The following MALRD1 variants were observed in gnomAD, a reference collection of about 807,000 sequenced individuals.
MALRD1 encodes the protein MAM and LDL receptor class A domain containing 1.
In MALRD1, 247 loss-of-function variants were observed where a neutral mutation model predicts 242.1. The observed-to-expected ratio is 1.02, with a 90% CI of 0.92 to 1.13. The LOEUF is 1.13. Among genes scored for constraint, MALRD1 ranks in the 50% most tolerant of loss-of-function variants. The pLI is 0.00. For missense variants in MALRD1, 2,989 were observed against 2,533.1 expected (o/e 1.18, Z -3.86); for synonymous variants, 995 against 866.6 (o/e 1.15, Z -2.60).
intron 35 of MALRD1, among the ~76,000 whole-genome samples, chr10:19,612,412 G>A (rs1202546474): frequency 1.3e-5 from 2 of 151,642 alleles, no homozygotes; most frequent in East Asian, 2.0e-4. Context: ...ATACATCCCC[G>A]GGAAAACAAA....
intron 18 of MALRD1, among the ~76,000 whole-genome samples, chr10:19,256,482 T>G (rs1169229913): frequency 6.6e-6 from 1 of 152,060 alleles, no homozygotes; most frequent in African/African-American, 2.4e-5. Flanking sequence ...AAGGATGCAT[T>G]TTTATGTTTG....
chr10:19,301,364 A>T (rs1841943867), intron 21 of MALRD1, among the ~76,000 whole-genome samples: 1 of 151,814 alleles, frequency 6.6e-6, no homozygotes, highest in African/African-American at 2.4e-5. Flanking sequence ...TATTGAGTAT[A>T]TATCCAAAGC....
chr10:19,683,423 G>A (rs1028789327), intron 36 of MALRD1, among the ~76,000 whole-genome samples: 5 of 152,186 alleles, frequency 3.3e-5, no homozygotes, highest in East Asian at 1.9e-4. Context: ...CATGTGCATC[G>A]TAATATTTAA....
Position 19,595,575 on chromosome 10 carries a change from A to C in MALRD1, c.5944+118A>C, listed in dbSNP as rs541800492. 4.1e-5 allele frequency: 49 copies of C among 1,186,392 alleles called. No homozygotes were observed. The African/African-American group carries it at 7.1e-4, about 17-fold the overall frequency. 73.5% of individuals were successfully genotyped at this position (1,186,392 alleles called of 1,614,324 possible). On this transcript the variant is annotated intron_variant, in intron 34 of 39. Coordinates refer to ENST00000454679, the MANE Select transcript of MALRD1 (RefSeq NM_001142308.3). ...GCCTTACCGTGATTGTATCATTAAT[A>C]ACACAGCTTTCAGTGTTATGTTGCA...
chr10:19,572,889 G>A, intron 33 of MALRD1, among the ~76,000 whole-genome samples: 1 of 152,154 alleles, frequency 6.6e-6, no homozygotes, highest in East Asian at 1.9e-4. Flanking sequence ...AGAGTCTTCA[G>A]AGAGAGCAGG....
intron 13 of MALRD1, among the ~76,000 whole-genome samples, chr10:19,168,371 T>C (rs894594615): frequency 4.6e-5 from 7 of 152,156 alleles, no homozygotes; most frequent in African/African-American, 1.2e-4. Flanking sequence ...TTTCATTCGG[T>C]TTGCTTTTAG....
chr10:19,103,557 A>AAAAAT (rs1471628626), intron 4 of MALRD1, among the ~76,000 whole-genome samples: 1 of 146,314 alleles, frequency 6.8e-6, no homozygotes, highest in East Asian at 2.1e-4. Flanking sequence ...GTCTCAAAAA[A>AAAAAT]AAAAAAAATA....
At chr10:19,632,909 G>T (rs1234856816) in intron 36 of MALRD1, among the ~76,000 whole-genome samples, 2 of 152,152 alleles carry the variant, frequency 1.3e-5, no homozygotes, top group Non-Finnish European at 2.9e-5. Context: ...TTGAGGCTAT[G>T]AAAAGTGTTG....
chr10:19,688,264 C>T (rs1842678199), intron 36 of MALRD1, among the ~76,000 whole-genome samples: 1 of 152,108 alleles, frequency 6.6e-6, no homozygotes, highest in Non-Finnish European at 1.5e-5. Flanking sequence ...AGCCACTGTG[C>T]CCGGCCTATT....
intron 34 of MALRD1, among the ~76,000 whole-genome samples, chr10:19,603,551 A>AT (rs1838465714): frequency 6.6e-6 from 1 of 152,070 alleles, no homozygotes; most frequent in Non-Finnish European, 1.5e-5. Context: ...CCATTGGTCT[A>AT]TATCTCTGTT....
intron 36 of MALRD1, among the ~76,000 whole-genome samples, chr10:19,679,816 G>A (rs1304384178): frequency 6.6e-6 from 1 of 152,064 alleles, no homozygotes; most frequent in African/African-American, 2.4e-5. Flanking sequence ...TCTTAACACT[G>A]CTTTAGCTGT....
At chr10:19,231,183 G>A (rs1239652413) in intron 18 of MALRD1, among the ~76,000 whole-genome samples, 1 of 152,160 alleles carries the variant, frequency 6.6e-6, no homozygotes, top group African/African-American at 2.4e-5. Flanking sequence ...CCATACTCCT[G>A]CCTCAATTTA....
intron 21 of MALRD1, among the ~76,000 whole-genome samples, chr10:19,297,752 T>C (rs376320586): frequency 5.1e-4 from 78 of 151,680 alleles, no homozygotes; most frequent in African/African-American, 1.6e-3. Context: ...AACTGTGTCA[T>C]TTAAAACAAA....
intron 21 of MALRD1, among the ~76,000 whole-genome samples, chr10:19,310,724 G>A (rs1157096815): frequency 3.3e-5 from 5 of 151,372 alleles, no homozygotes. Flanking sequence ...CTTCCAATAT[G>A]ACTCTATTTT....
intron 34 of MALRD1, among the ~76,000 whole-genome samples, chr10:19,603,513 G>C (rs1303137392): frequency 1.3e-5 from 2 of 152,060 alleles, no homozygotes; most frequent in Admixed American, 1.3e-4. Flanking sequence ...TAGATGTGTG[G>C]TATTATTTCT....
chr10:19,686,466 G>A (rs988339375), intron 36 of MALRD1, among the ~76,000 whole-genome samples: 4 of 152,166 alleles, frequency 2.6e-5, no homozygotes, highest in African/African-American at 4.8e-5. Flanking sequence ...GTTAAACTCT[G>A]CCGTTTTGCT....
Position 19,387,761 on chromosome 10 carries a change from G to A in MALRD1, c.4675G>A (p.Gly1559Arg), listed in dbSNP as rs1271330257. The A allele has an allele frequency of 4.5e-6, 7 of 1,547,260 alleles. No homozygotes were observed. The highest frequency in any genetic ancestry group is 1.7e-4 in the Middle Eastern group (1 of 5,988). The change falls in exon 27 of 40, where the codon GGA becomes AGA. Residue 1559 changes from glycine (G) to arginine (R), a missense_variant. Transcript: ENST00000454679. ...AAGACCTCCCAAAGACCACACACTT[G>A]GAAATGAAAATGGTAGGTTATTAGA... The part of the protein sequence containing the change: ...SLRPPKDHTL[G>R]NENGHFMYLE...
chr10:19,518,587 C>T (rs574871104), intron 31 of MALRD1, among the ~76,000 whole-genome samples: 2 of 152,206 alleles, frequency 1.3e-5, no homozygotes, highest in African/African-American at 2.4e-5. Context: ...ATTCACTCTA[C>T]AAAATCATCC....
At chr10:19,096,807 A>T (rs188823052) in intron 4 of MALRD1, among the ~76,000 whole-genome samples, 3 of 152,170 alleles carry the variant, frequency 2.0e-5, no homozygotes. Context: ...CTTCCTTTAA[A>T]AATGTCCAAA....
Sources: allele counts gnomAD v4.1 joint callset (sites outside exome capture counted in the v4.1 genomes callset), GRCh38; gene constraint gnomAD v4.1.1; transcripts MANE v1.5; gene names NCBI Gene and HGNC (gene_info 2026-07-23, HGNC 2026-07-21).